The following TET3 variants were observed in gnomAD, a reference collection of about 807,000 sequenced individuals.
TET3 encodes the protein tet methylcytosine dioxygenase 3, also known as methylcytosine dioxygenase TET3.
In TET3, 19 loss-of-function variants were observed where a neutral mutation model predicts 141.4. The ratio of observed to expected loss-of-function variants is 0.13; its 90% CI spans 0.09 to 0.20. TET3 has a LOEUF of 0.20. Ranked by LOEUF, TET3 falls within the 10% of genes least tolerant of loss-of-function variation. TET3 has a pLI of 1.00. For synonymous variants in TET3, 1,043 were observed against 980.9 expected (o/e 1.06, Z -1.18); for missense variants, 1,874 against 2,356.9 (o/e 0.80, Z 4.24).
chr2:74,074,829 T>G (rs1295971690), intron 5 of TET3, among the ~76,000 whole-genome samples: 1 of 152,252 alleles, frequency 6.6e-6, no homozygotes, highest in Non-Finnish European at 1.5e-5. Context: ...ATGCACTGAT[T>G]GCATTTTTTA....
downstream of TET3, among the ~76,000 whole-genome samples, chr2:74,111,797 T>G (rs974842508): frequency 1.3e-5 from 2 of 152,184 alleles, no homozygotes; most frequent in Non-Finnish European, 2.9e-5. Context: ...GTGCCAAAGT[T>G]TGTGCCCTAT....
At chr2:73,996,381 G>A (rs1383521376) in intron 2 of TET3, among the ~76,000 whole-genome samples, 1 of 152,202 alleles carries the variant, frequency 6.6e-6, no homozygotes, top group African/African-American at 2.4e-5. Context: ...TAGAGTTGCT[G>A]TGGGCCTCTG....
intron 3 of TET3, among the ~76,000 whole-genome samples, chr2:74,009,318 C>G (rs977279617): frequency 2.6e-5 from 4 of 152,192 alleles, no homozygotes; most frequent in Non-Finnish European, 5.9e-5. Flanking sequence ...GGATTCTGAG[C>G]TGAGAACCCT....
chr2:74,086,114 T>C (rs1283130742), intron 6 of TET3, among the ~76,000 whole-genome samples: 1 of 152,218 alleles, frequency 6.6e-6, no homozygotes, highest in Non-Finnish European at 1.5e-5. Context: ...AGTTCCCGCC[T>C]CAAGGCCCTG....
At chr2:73,985,220 G>A (rs920486342) in intron 1 of TET3, 63 bp downstream of exon 1, 1 of 142,196 alleles carries the variant, frequency 7.0e-6, no homozygotes, top group Non-Finnish European at 1.6e-5. Flanking sequence ...GGCGCGGGGG[G>A]CCCGGCCCGG....
Position 74,047,932 on chromosome 2 carries a change from C to T in TET3, c.2015C>T (p.Ser672Phe). 2.5e-6 allele frequency: 4 copies of T among 1,613,728 alleles called. No homozygotes were observed. Among genetic ancestry groups the T allele is most frequent in the Non-Finnish European group, 3.4e-6 (4 of 1,179,802 alleles). ...PSLALFAPSP[S>F]RDSLLPPTQE... is the part of the protein sequence containing the mutation. ...CTTGCGCTATTTGCACCTAGTCCCT[C>T]CAGGGACAGCCTGCTGCCCCCTACT... Residue 672 changes from serine (S) to phenylalanine (F), a missense_variant, in exon 4 of 12, where the codon TCC (serine) becomes TTC (phenylalanine). By Grantham distance (155) the Ser-to-Phe change is radical. Coordinates refer to ENST00000409262, the MANE Select transcript of TET3 (RefSeq NM_001287491.2).
the TET3 span, among the ~76,000 whole-genome samples, chr2:74,114,582 T>A: frequency 6.6e-6 from 1 of 152,034 alleles, no homozygotes; most frequent in African/African-American, 2.4e-5. Context: ...CTGGGCATGG[T>A]GGCTCACGTC....
At chr2:74,121,019 G>A in the TET3 span, 2 of 152,174 alleles carry the variant, frequency 1.3e-5, no homozygotes, top group South Asian at 2.1e-4. Flanking sequence ...CACAACCACC[G>A]ACAGAGACTT....
chr2:74,038,805 AC>A (rs1687197652), intron 3 of TET3, among the ~76,000 whole-genome samples: 2 of 152,212 alleles, frequency 1.3e-5, no homozygotes, highest in Non-Finnish European at 2.9e-5. Flanking sequence ...ATACACTCTT[AC>A]GAAAAGATCC....
intron 3 of TET3, among the ~76,000 whole-genome samples, chr2:74,024,943 C>A (rs568157734): frequency 6.6e-6 from 1 of 151,974 alleles, no homozygotes; most frequent in African/African-American, 2.4e-5. Context: ...GCAGGCCAGG[C>A]GCCGTGGTGG....
chr2:74,009,892 G>A (rs1685336856), intron 3 of TET3, among the ~76,000 whole-genome samples: 1 of 152,238 alleles, frequency 6.6e-6, no homozygotes, highest in Non-Finnish European at 1.5e-5. Context: ...CAAGACAAGG[G>A]TGGCATAGGG....
At chr2:73,999,019 G>C (rs1439644112) in intron 2 of TET3, among the ~76,000 whole-genome samples, 2 of 152,190 alleles carry the variant, frequency 1.3e-5, no homozygotes, top group African/African-American at 2.4e-5. Flanking sequence ...AGCGCCGTTG[G>C]TTGGCAGAAG....
rs766487449 is a variant in TET3 at position 74,048,169 on chromosome 2, C to A, written c.2252C>A (p.Thr751Asn). Residue 751 changes from threonine (T) to asparagine (N), a missense_variant, in exon 4 of 12, where the codon ACC becomes AAC. Around this residue, in one of 10 missense-constraint regions of TET3, gnomAD observed 6 missense variants for 16.4 expected, o/e 0.37. Transcript: ENST00000409262. Reference sequence around the variant, plus strand: ...CCAGCCCCTGAGAGCCCCTTTGCTACCCGTTCCCCCAAGCAAATCAAGATT... The same window carrying A: ...CCAGCCCCTGAGAGCCCCTTTGCTAACCGTTCCCCCAAGCAAATCAAGATT... ...CLPAPESPFATRSPKQIKIES... is the reference protein window; with the variant it reads ...CLPAPESPFANRSPKQIKIES... 14 of 1,612,406 alleles carry A rather than the reference C, an allele frequency of 8.7e-6. No individual in the cohort carries two copies. The highest frequency in any genetic ancestry group is 1.0e-5 in the Non-Finnish European group (12 of 1,179,080).
At chr2:73,988,572 A>T (rs1684160898) in intron 2 of TET3, among the ~76,000 whole-genome samples, 1 of 152,068 alleles carries the variant, frequency 6.6e-6, no homozygotes, top group African/African-American at 2.4e-5. Context: ...GATATCATGG[A>T]TCTGGGGTGG....
At chr2:74,032,694 G>T (rs1323740316) in intron 3 of TET3, among the ~76,000 whole-genome samples, 1 of 152,138 alleles carries the variant, frequency 6.6e-6, no homozygotes, top group Non-Finnish European at 1.5e-5. Context: ...GCTTCCGTCA[G>T]GAGAGCTGGA....
chr2:74,117,782 G>A, the TET3 span, among the ~76,000 whole-genome samples: 1 of 151,380 alleles, frequency 6.6e-6, no homozygotes, highest in Non-Finnish European at 1.5e-5. Context: ...GTCATGCCCT[G>A]TCGCCCAGGC....
intron 8 of TET3, among the ~76,000 whole-genome samples, chr2:74,091,842 T>C (rs1226581807): frequency 6.6e-6 from 1 of 152,240 alleles, no homozygotes; most frequent in African/African-American, 2.4e-5. Flanking sequence ...CCTGGAACTC[T>C]CTGCCACATG....
chr2:74,129,673 A>G, the TET3 span, among the ~76,000 whole-genome samples: 1 of 151,994 alleles, frequency 6.6e-6, no homozygotes, highest in Admixed American at 6.6e-5. Context: ...GCATTACTTG[A>G]ACATCAGTTG....
chr2:74,042,152 G>A (rs13016198), intron 3 of TET3, among the ~76,000 whole-genome samples: 37,745 of 152,110 alleles, frequency 0.25, 4,959 homozygotes, highest in Non-Finnish European at 0.28. Context: ...GTGGTGAACC[G>A]GCCCTTTCAG....
Sources: allele counts gnomAD v4.1 joint callset (sites outside exome capture counted in the v4.1 genomes callset), GRCh38; gene constraint gnomAD v4.1.1; regional missense constraint gnomAD v4.1.1; transcripts MANE v1.5; gene names NCBI Gene and HGNC (gene_info 2026-07-23, HGNC 2026-07-21).